Variants in XRCC5 observed in about 807,000 individuals in gnomAD.
The protein encoded by XRCC5 is DNA repair protein Ku80.
Under a neutral mutation model 95.7 loss-of-function variants are expected in XRCC5, and 12 were observed. The ratio of observed to expected loss-of-function variants is 0.13; its 90% CI spans 0.08 to 0.20. The LOEUF (loss-of-function observed/expected upper bound fraction) is 0.20. Among genes scored for constraint, XRCC5 ranks in the 10% least tolerant of loss-of-function variants. XRCC5 has a pLI of 1.00. For synonymous variants in XRCC5, 281 were observed against 290.3 expected (o/e 0.97, Z 0.33); for missense variants, 595 against 873.9 (o/e 0.68, Z 4.02).
intron 16 of XRCC5, among the ~76,000 whole-genome samples, chr2:216,171,386 T>C (rs1358202376): frequency 2.6e-5 from 4 of 152,252 alleles, no homozygotes; most frequent in African/African-American, 4.8e-5. Flanking sequence ...AATTCCTTTA[T>C]AGAACAGTTT....
intron 18 of XRCC5, among the ~76,000 whole-genome samples, chr2:216,194,195 T>C (rs771689245): frequency 1.3e-5 from 2 of 152,248 alleles, no homozygotes; most frequent in Non-Finnish European, 2.9e-5. Context: ...AAATTGTGAC[T>C]TTAAGCAAAA....
intron 16 of XRCC5, chr2:216,175,460 G>A: frequency 1.9e-6 from 1 of 514,594 alleles, no homozygotes; most frequent in South Asian, 1.4e-5. Flanking sequence ...CTTTACAGTT[G>A]TGCTTGTTAA....
At chr2:216,187,717 T>C (rs1689522471) in intron 16 of XRCC5, among the ~76,000 whole-genome samples, 1 of 150,790 alleles carries the variant, frequency 6.6e-6, no homozygotes, top group African/African-American at 2.4e-5. Context: ...TGCAGTAGTT[T>C]GGACACAGCA....
chr2:216,185,276 T>G (rs1377844134), intron 16 of XRCC5, among the ~76,000 whole-genome samples: 1 of 151,964 alleles, frequency 6.6e-6, no homozygotes, highest in Non-Finnish European at 1.5e-5. Flanking sequence ...TTGGAGTGGT[T>G]TATATTCCTT....
At chr2:216,184,425 A>G (rs1305670436) in intron 16 of XRCC5, among the ~76,000 whole-genome samples, 1 of 152,204 alleles carries the variant, frequency 6.6e-6, no homozygotes, top group Non-Finnish European at 1.5e-5. Flanking sequence ...ACCTCACTAG[A>G]AAGAAAGAAA....
chr2:216,151,087 T>A (rs1688736174), intron 14 of XRCC5, among the ~76,000 whole-genome samples: 1 of 152,116 alleles, frequency 6.6e-6, no homozygotes, highest in Non-Finnish European at 1.5e-5. Context: ...AGTCAAAACC[T>A]AAAGCAATAA....
chr2:216,130,851 A>G (rs1355989529), intron 8 of XRCC5, 24 bp from the exon 9 acceptor site: 2 of 1,547,204 alleles, frequency 1.3e-6, no homozygotes, highest in African/African-American at 1.4e-5. Context: ...TATGCTTAAC[A>G]GATGCTCTTC....
chr2:216,178,466 T>G (rs890243081), intron 16 of XRCC5, among the ~76,000 whole-genome samples: 30 of 151,852 alleles, frequency 2.0e-4, no homozygotes, highest in Non-Finnish European at 4.4e-5. Context: ...TATAATAAAT[T>G]GGGGATATAG....
chr2:216,189,040 C>T (rs554630291), intron 16 of XRCC5, among the ~76,000 whole-genome samples: 45 of 152,270 alleles, frequency 3.0e-4, no homozygotes, highest in Middle Eastern at 6.8e-3. Flanking sequence ...TAATCCTTTC[C>T]ACATGCTGTA....
At chr2:216,114,818 T>G (rs982161738) in intron 2 of XRCC5, among the ~76,000 whole-genome samples, 2 of 152,164 alleles carry the variant, frequency 1.3e-5, no homozygotes, top group Non-Finnish European at 2.9e-5. Flanking sequence ...AAGCTGCCTC[T>G]GGGGGCGCTC....
rs1688675796 is a variant in XRCC5, at chr2:216,148,196, C to G, written c.1590C>G (p.Leu530=). ...TGACAACAAAAAGTCAGATTCCTCT[C>G]TCTAAAATAAAGACCCTTTTTCCTC... ...AEVTTKSQIP[L]SKIKTLFPLI... is the part of the protein sequence containing the mutation. The change falls in exon 14 of 21, where the codon CTC becomes CTG. Residue 530 remains leucine (L), a synonymous_variant. Coordinates refer to ENST00000392132, the MANE Select transcript of XRCC5 (RefSeq NM_021141.4). The G allele has an allele frequency of 6.2e-7, 1 of 1,613,978 alleles. No individual in the cohort carries two copies. The highest frequency in any genetic ancestry group is 1.3e-5 in the African/African-American group (1 of 74,902).
At chr2:216,135,363 A>C (rs867646565) in intron 10 of XRCC5, among the ~76,000 whole-genome samples, 1 of 150,750 alleles carries the variant, frequency 6.6e-6, no homozygotes, top group Admixed American at 6.6e-5. Flanking sequence ...GCAAAGGCCA[A>C]GTATGAGACC....
At chr2:216,191,275 G>A (rs1689607457) in intron 17 of XRCC5, among the ~76,000 whole-genome samples, 1 of 152,010 alleles carries the variant, frequency 6.6e-6, no homozygotes, top group East Asian at 1.9e-4. Context: ...CTCTGTGCAT[G>A]GTTGCCACCC....
Position 216,132,397 on chromosome 2 carries a change from C to T in XRCC5, c.1113+10C>T. 1 of 1,613,612 alleles carries T rather than the reference C, an allele frequency of 6.2e-7. No individual in the cohort carries two copies. The highest frequency in any genetic ancestry group is 8.5e-7 in the Non-Finnish European group (1 of 1,179,594). On this transcript the variant is annotated intron_variant, in intron 10 of 20. Coordinates refer to ENST00000392132, the MANE Select transcript of XRCC5 (RefSeq NM_021141.4). The stretch of plus-strand genomic sequence containing the variant: ...AGCAAGAGATGATGAGGTGAGTTGG[C>T]AGCAGGTCTTTGAGGTAGTGCTACA...
At chr2:216,129,497 C>G (rs1010170413) in intron 8 of XRCC5, among the ~76,000 whole-genome samples, 1 of 152,148 alleles carries the variant, frequency 6.6e-6, no homozygotes, top group African/African-American at 2.4e-5. Context: ...TTAGAATGTT[C>G]ATTACAAGTT....
Position 216,179,925 on chromosome 2 carries a change from G to A in XRCC5, c.1835-10300G>A, listed in dbSNP as rs533156758. On this transcript the variant is annotated intron_variant, in intron 16 of 20. Coordinates refer to ENST00000392132, the MANE Select transcript of XRCC5 (RefSeq NM_021141.4). ...TCGGCGTTAATCCACGTGACCGGAG[G>A]TAGTAAGAAGAGGTCCGATTTTTGA... 4.6e-5 allele frequency among the ~76,000 whole-genome samples: 7 copies of A among 152,316 alleles called. No individual in the cohort carries two copies. The South Asian group carries it at 1.5e-3, about 32-fold the overall frequency.
At chr2:216,152,123 A>G (rs1199899799) in intron 14 of XRCC5, among the ~76,000 whole-genome samples, 1 of 152,102 alleles carries the variant, frequency 6.6e-6, no homozygotes, top group South Asian at 2.1e-4. Context: ...CTCCCTAAAC[A>G]CCTGGGGATT....
intron 16 of XRCC5, among the ~76,000 whole-genome samples, chr2:216,165,939 C>T (rs897746228): frequency 6.6e-6 from 1 of 152,074 alleles, no homozygotes; most frequent in Non-Finnish European, 1.5e-5. Flanking sequence ...ATTTTCTTAA[C>T]TTCTGGTTTT....
intron 15 of XRCC5, among the ~76,000 whole-genome samples, chr2:216,160,688 TTA>T (rs1233303529): frequency 2.6e-5 from 4 of 151,944 alleles, no homozygotes; most frequent in Admixed American, 6.6e-5. Context: ...AATTAATTAA[TTA>T]ATTTTTATAT....
Sources: allele counts gnomAD v4.1 joint callset (sites outside exome capture counted in the v4.1 genomes callset), GRCh38; gene constraint gnomAD v4.1.1; transcripts MANE v1.5; gene names NCBI Gene and HGNC (gene_info 2026-07-23, HGNC 2026-07-21).